The following LINGO2 variants were observed in gnomAD, a reference collection of about 807,000 sequenced individuals.
LINGO2 encodes the protein leucine-rich repeat and immunoglobulin-like domain-containing nogo receptor-interacting protein 2.
In LINGO2, 14 loss-of-function variants were observed where a neutral mutation model predicts 30.6. The observed-to-expected ratio is 0.46, with a 90% confidence interval of 0.30 to 0.72. The LOEUF (loss-of-function observed/expected upper bound fraction) is 0.72. Ranked by LOEUF, LINGO2 falls within the 30% of genes least tolerant of loss-of-function variation. The pLI is 0.07. For missense variants in LINGO2, 729 were observed against 751.7 expected, an observed-to-expected ratio of 0.97 and a Z score of 0.35; for synonymous variants, 317 against 288.5, an observed-to-expected ratio of 1.10 and a Z score of -1.00.
chr9:28,704,992 C>T, the LINGO2 span, among the ~76,000 whole-genome samples: 1 of 152,086 alleles, frequency 6.6e-6, no homozygotes, highest in Admixed American at 6.6e-5. Context: ...TCTCAGATCA[C>T]TGCAATCTCT....
chr9:28,495,980 T>C (rs1420958891), intron 1 of LINGO2, among the ~76,000 whole-genome samples: 1 of 152,136 alleles, frequency 6.6e-6, no homozygotes, highest in African/African-American at 2.4e-5. Context: ...TGAGTGAGTT[T>C]CTTAAAACCT....
chr9:28,107,104 G>T (rs2133341870), intron 4 of LINGO2, among the ~76,000 whole-genome samples: 1 of 152,016 alleles, frequency 6.6e-6, no homozygotes, highest in East Asian at 1.9e-4. Context: ...TGGTTTCCTT[G>T]TCTTCCCAAT....
At chr9:28,061,273 G>C (rs1825134836) in intron 4 of LINGO2, among the ~76,000 whole-genome samples, 1 of 150,270 alleles carries the variant, frequency 6.7e-6, no homozygotes, top group Non-Finnish European at 1.5e-5. Flanking sequence ...TGGTAGTGAG[G>C]CCTTCAACGT....
intron 4 of LINGO2, among the ~76,000 whole-genome samples, chr9:28,221,236 C>A (rs1340128529): frequency 3.0e-5 from 4 of 135,390 alleles, no homozygotes; most frequent in African/African-American, 1.1e-4. Flanking sequence ...GGAGGCGGAG[C>A]TTGCAGTGAG....
downstream of LINGO2, among the ~76,000 whole-genome samples, chr9:27,945,999 G>A (rs983984194): frequency 9.9e-5 from 15 of 152,084 alleles, no homozygotes; most frequent in African/African-American, 3.6e-4. Flanking sequence ...AATTCAAACA[G>A]TAATTTTACT....
chr9:28,496,819 G>A (rs973496825), intron 1 of LINGO2, among the ~76,000 whole-genome samples: 1 of 152,070 alleles, frequency 6.6e-6, no homozygotes, highest in Non-Finnish European at 1.5e-5. Context: ...TCCATGTTTA[G>A]TGCTTCCTTC....
the LINGO2 span, among the ~76,000 whole-genome samples, chr9:29,133,707 T>C: frequency 6.6e-6 from 1 of 152,148 alleles, no homozygotes; most frequent in Non-Finnish European, 1.5e-5. Context: ...AGCTCCACAT[T>C]AACTTCTACT....
intron 3 of LINGO2, among the ~76,000 whole-genome samples, chr9:28,301,508 T>TCAC (rs1316052053): frequency 1.3e-5 from 2 of 152,168 alleles, no homozygotes; most frequent in Admixed American, 6.6e-5. Context: ...AATTAATGAA[T>TCAC]CACCATGTCT....
chr9:28,885,000 A>G, the LINGO2 span, among the ~76,000 whole-genome samples: 2 of 69,136 alleles, frequency 2.9e-5, 1 homozygote, highest in Non-Finnish European at 5.7e-5. Context: ...AATATATTAT[A>G]TATATATATA....
At chr9:28,482,023 T>C (rs1825990640) in intron 1 of LINGO2, among the ~76,000 whole-genome samples, 2 of 152,162 alleles carry the variant, frequency 1.3e-5, no homozygotes, top group South Asian at 2.1e-4. Context: ...CAGTCTATCA[T>C]TGTTAGACAT....
intron 1 of LINGO2, among the ~76,000 whole-genome samples, chr9:28,652,708 C>A (rs1828158485): frequency 6.7e-6 from 1 of 148,396 alleles, no homozygotes. Context: ...GCTGAAATCC[C>A]AGAAAAAAAA....
At chr9:28,255,597 T>C (rs1822356019) in intron 4 of LINGO2, among the ~76,000 whole-genome samples, 2 of 152,232 alleles carry the variant, frequency 1.3e-5, no homozygotes, top group Middle Eastern at 3.4e-3. Flanking sequence ...TATTTTATTA[T>C]TACGACTATT....
At chr9:28,624,750 G>T (rs1254653826) in intron 1 of LINGO2, among the ~76,000 whole-genome samples, 1 of 151,256 alleles carries the variant, frequency 6.6e-6, no homozygotes, top group Non-Finnish European at 1.5e-5. Context: ...GAGTAGGATT[G>T]GTATTAGTCT....
chr9:28,243,193 C>A (rs1202138736), intron 4 of LINGO2, among the ~76,000 whole-genome samples: 2 of 149,940 alleles, frequency 1.3e-5, no homozygotes, highest in Non-Finnish European at 3.0e-5. Flanking sequence ...TGTGGTAGCT[C>A]ACGCCTGTAA....
the LINGO2 span, among the ~76,000 whole-genome samples, chr9:29,206,854 A>G: frequency 6.6e-6 from 1 of 152,186 alleles, no homozygotes; most frequent in African/African-American, 2.4e-5. Flanking sequence ...TTTGCATATT[A>G]ATTGATGTGA....
At chr9:28,193,129 G>A (rs2133783572) in intron 4 of LINGO2, among the ~76,000 whole-genome samples, 1 of 152,194 alleles carries the variant, frequency 6.6e-6, no homozygotes, top group Non-Finnish European at 1.5e-5. Flanking sequence ...TATGCTGGGA[G>A]TTCAAATGAT....
At chr9:28,039,728 A>AT (rs1432874352) in intron 4 of LINGO2, among the ~76,000 whole-genome samples, 5 of 152,136 alleles carry the variant, frequency 3.3e-5, no homozygotes, top group Non-Finnish European at 7.4e-5. Flanking sequence ...TCCTGATGTC[A>AT]TTTCATCAGG....
intron 5 of LINGO2, among the ~76,000 whole-genome samples, chr9:28,006,346 A>C (rs1293513527): frequency 1.3e-5 from 2 of 149,530 alleles, no homozygotes; most frequent in African/African-American, 2.5e-5. Flanking sequence ...AAAAATCCTT[A>C]CCAGAGATCA....
chr9:29,063,682 G>C, the LINGO2 span, among the ~76,000 whole-genome samples: 3 of 152,088 alleles, frequency 2.0e-5, no homozygotes, highest in Admixed American at 6.6e-5. Flanking sequence ...TTACAGGCAT[G>C]AGTCAACTGC....
Sources: allele counts gnomAD v4.1 joint callset (sites outside exome capture counted in the v4.1 genomes callset), GRCh38; gene constraint gnomAD v4.1.1; transcripts MANE v1.5; gene names NCBI Gene and HGNC (gene_info 2026-07-23, HGNC 2026-07-21).